The following POLR1A variants were observed in gnomAD, a reference collection of about 807,000 sequenced individuals.
POLR1A encodes DNA-directed RNA polymerase I subunit RPA1.
A neutral mutation model predicts 205.3 loss-of-function variants in POLR1A; 84 were observed. That is an observed-to-expected ratio of 0.41 (90% confidence interval 0.34 to 0.49). The LOEUF is 0.49. POLR1A is among the 20% of genes least tolerant of loss of function. The pLI is 0.22. For synonymous variants in POLR1A, 799 were observed against 863.7 expected (o/e 0.93, Z 1.31); for missense variants, 1,645 against 2,204.5 (o/e 0.75, Z 5.08).
At chr2:86,100,648 C>G (rs1332398955) in intron 1 of POLR1A, among the ~76,000 whole-genome samples, 1 of 151,982 alleles carries the variant, frequency 6.6e-6, no homozygotes, top group Admixed American at 6.6e-5. Flanking sequence ...ATCCTCCCAC[C>G]TCAGCCTCCC....
At chr2:86,095,547 T>C (rs1165671711) in intron 3 of POLR1A, among the ~76,000 whole-genome samples, 1 of 152,218 alleles carries the variant, frequency 6.6e-6, no homozygotes, top group Non-Finnish European at 1.5e-5. Flanking sequence ...GTATTTTTAA[T>C]AGCACCAGAA....
At chr2:86,082,794 A>C (rs1358177233) in intron 7 of POLR1A, among the ~76,000 whole-genome samples, 1 of 152,222 alleles carries the variant, frequency 6.6e-6, no homozygotes, top group African/African-American at 2.4e-5. Context: ...AGTTACACTG[A>C]ACCTTCTAAA....
Position 86,031,612 on chromosome 2 carries a change from C to T in POLR1A, c.4296G>A (p.Glu1432=), listed in dbSNP as rs777076624. ...CGTTCTCCTCGCCCTCCCTCTCCTC[C>T]TCTTCCTCACTCTCATAATCAACCT... The part of the protein sequence containing the change: ...EEEVDYESEE[E]EEREGEENDD... The change falls in exon 30 of 34, where the codon GAG becomes GAA. Residue 1432 remains glutamate (E), a synonymous_variant. Transcript: ENST00000263857. 7 of 1,612,306 alleles carry T rather than the reference C, an allele frequency of 4.3e-6. No homozygotes were observed. In the East Asian group the frequency reaches 1.3e-4, roughly 31 times the overall value.
Position 86,070,826 on chromosome 2 carries a change from C to T in POLR1A, c.1612-554G>A, listed in dbSNP as rs943594396. ...TAGTTAGTTCAATGCCCTCAGAGAA[C>T]ACTTTATTGCACTTCAAAAATTAAG... On this transcript the variant is annotated intron_variant, in intron 12 of 33. Transcript: ENST00000263857. The surrounding 1 kb of genome is among the most constrained non-coding windows in gnomAD (Gnocchi z 4.4). Among the ~76,000 whole-genome samples, 3 of 151,980 alleles carry T rather than the reference C, an allele frequency of 2.0e-5. No individual in the cohort carries two copies. The highest frequency in any genetic ancestry group is 4.4e-5 in the Non-Finnish European group (3 of 68,020).
At chr2:86,039,231 G>C (rs1406175383) in intron 26 of POLR1A, 96 bp downstream of exon 26, 1 of 1,333,608 alleles carries the variant, frequency 7.5e-7, no homozygotes, top group Non-Finnish European at 1.0e-6. Flanking sequence ...TCTGAGCCTA[G>C]GGTCAGAGCA....
intron 9 of POLR1A, 114 bp from the exon 10 acceptor site, chr2:86,078,398 T>A: frequency 1.3e-6 from 1 of 747,332 alleles, no homozygotes; most frequent in Admixed American, 2.8e-5. Flanking sequence ...CTGGAGTTTA[T>A]CTCCTCTGAA....
rs750864760 is a variant in POLR1A, at chr2:86,021,573, T to C, written c.*5850A>G. The C allele has an allele frequency of 6.6e-6, 1 of 152,578 alleles. No homozygotes were observed. Among genetic ancestry groups the C allele is most frequent in the Non-Finnish European group, 1.5e-5 (1 of 68,342 alleles). 9.5% of individuals were successfully genotyped at this position (152,578 alleles called of 1,614,324 possible). A position where few individuals can be genotyped will look rare whatever the true frequency, so the allele number is the denominator to read the frequency against. On this transcript the variant is annotated 3_prime_UTR_variant, in exon 34 of 34. Coordinates refer to ENST00000263857, the MANE Select transcript of POLR1A (RefSeq NM_015425.6). ...GCCAGCTGGGCAAGGCATGGTCCTA[T>C]AGGGGACAGTGTGCATGTGCATATG... is the stretch of plus-strand genomic sequence containing the variant.
At position 86,026,227 on chromosome 2, in the gene POLR1A, A is replaced by AGAAAGC. The variant is rs1573797368; in HGVS notation, c.*1190_*1195dup. 6.6e-6 allele frequency: 1 copy of AGAAAGC among 152,280 alleles called. No homozygotes were observed. Among genetic ancestry groups the AGAAAGC allele is most frequent in the Non-Finnish European group, 1.5e-5 (1 of 68,068 alleles). The allele number at this position is 152,280 out of a possible 1,614,324, so 9.4% of individuals were successfully genotyped here. On this transcript the variant is annotated 3_prime_UTR_variant, in exon 34 of 34. Coordinates refer to ENST00000263857, the MANE Select transcript of POLR1A (RefSeq NM_015425.6). ...GCTCTTCCCCCTAAGGCCTCAGACA[A>AGAAAGC]GAAAGCACAGGAAGAGGGACCCAAG...
At chr2:86,037,313 T>C (rs1037993458) in intron 27 of POLR1A, among the ~76,000 whole-genome samples, 13 of 152,192 alleles carry the variant, frequency 8.5e-5, no homozygotes, top group African/African-American at 3.1e-4. Context: ...CCAGGGCTCG[T>C]GAACTGGGGC....
At chr2:86,096,213 A>G (rs1451591727) in intron 3 of POLR1A, among the ~76,000 whole-genome samples, 2 of 152,208 alleles carry the variant, frequency 1.3e-5, no homozygotes, top group African/African-American at 4.8e-5. Context: ...ATACCTAGGA[A>G]TAAATTTAAC....
chr2:86,080,886 C>T lies in POLR1A; in HGVS notation c.1016G>A (p.Arg339Gln), dbSNP rs764656957. 7 of 1,614,006 alleles carry T rather than the reference C, an allele frequency of 4.3e-6. No homozygotes were observed. The highest frequency in any genetic ancestry group is 1.7e-5 in the Admixed American group (1 of 60,000). Residue 339 changes from arginine to glutamine, a missense_variant, in exon 9 of 34, where the codon CGA becomes CAA. Transcript: ENST00000263857. ...QAVMKDVVLI[R>Q]KLLALMAQEQ... Reference sequence around the variant, plus strand: ...TTGGGCCATCAATGCCAGAAGTTTTCGAATCAGAACTACATCCTTCATGAC... The same window carrying T: ...TTGGGCCATCAATGCCAGAAGTTTTTGAATCAGAACTACATCCTTCATGAC...
At position 86,063,082 on chromosome 2, in the gene POLR1A, T is replaced by A. The variant is rs377313494; in HGVS notation, c.2058+2192A>T. On this transcript the variant is annotated intron_variant, in intron 14 of 33. Transcript: ENST00000263857. ...TGGGCGCGGTGGCTCAGGCCTGTAG[T>A]CCCAGCACTTTGGGAGGCCAAGGTT... 1.0e-3 allele frequency among the ~76,000 whole-genome samples: 155 copies of A among 152,218 alleles called. 1 individual carries two copies. The South Asian group carries it at 0.032, about 31-fold the overall frequency.
Position 86,038,682 on chromosome 2 carries a change from C to A in POLR1A, c.4034+18G>T. The A allele has an allele frequency of 6.2e-7, 1 of 1,611,950 alleles. No individual in the cohort carries two copies. On this transcript the variant is annotated intron_variant, in intron 27 of 33. Coordinates refer to ENST00000263857, the MANE Select transcript of POLR1A (RefSeq NM_015425.6). Reference sequence around the variant, plus strand: ...TCTCTGGGTCAAGGTCAATGACAATCACAGCCTGAGCCCTGACCTTGTTTC... The same window carrying A: ...TCTCTGGGTCAAGGTCAATGACAATAACAGCCTGAGCCCTGACCTTGTTTC...
intron 11 of POLR1A, 41 bp from the exon 12 acceptor site, chr2:86,075,301 A>G: frequency 7.1e-7 from 1 of 1,403,608 alleles, no homozygotes; most frequent in Non-Finnish European, 9.9e-7. Flanking sequence ...GGGCAGGGAT[A>G]AAAAAAGGTC....
intron 24 of POLR1A, among the ~76,000 whole-genome samples, chr2:86,041,282 CTGTG>C (rs202216011): frequency 1.1e-3 from 141 of 129,392 alleles, no homozygotes; most frequent in East Asian, 4.3e-3. Context: ...TCTACAGTGT[CTGTG>C]TGTGTGTGTG....
intron 15 of POLR1A, 123 bp downstream of exon 15, chr2:86,054,017 C>A: frequency 4.4e-6 from 4 of 915,962 alleles, no homozygotes; most frequent in Admixed American, 2.4e-5. Flanking sequence ...AGGCACAACG[C>A]CTTCTCTTCT....
intron 7 of POLR1A, 114 bp from the exon 8 acceptor site, chr2:86,081,820 G>C: frequency 3.1e-6 from 2 of 653,828 alleles, no homozygotes; most frequent in Non-Finnish European, 5.3e-6. Context: ...AAGATAATAT[G>C]TAGAGTTAAG....
chr2:86,101,782 C>A (rs1387444088), intron 1 of POLR1A, among the ~76,000 whole-genome samples: 1 of 152,132 alleles, frequency 6.6e-6, no homozygotes, highest in African/African-American at 2.4e-5. Context: ...AAACCCTGTA[C>A]CCATTATACA....
intron 27 of POLR1A, among the ~76,000 whole-genome samples, chr2:86,037,493 C>G (rs1672521738): frequency 6.6e-6 from 1 of 152,240 alleles, no homozygotes; most frequent in South Asian, 2.1e-4. Context: ...TACTGTGTTG[C>G]CCACGCCTGC....
Sources: gnomAD v4.1 joint callset for allele counts (sites outside exome capture counted in the v4.1 genomes callset) on GRCh38, gnomAD v4.1.1 for gene constraint, Gnocchi (gnomAD v3.1) non-coding constraint, MANE v1.5 for transcripts, NCBI Gene and HGNC (gene_info 2026-07-23, HGNC 2026-07-21) for gene names.